TCF12: variants seen among roughly 807,000 people sequenced by gnomAD.
TCF12 encodes the protein DNA-binding protein HTF4.
Under a neutral mutation model 86.0 loss-of-function variants are expected in TCF12, and 45 were observed. The ratio of observed to expected loss-of-function variants is 0.52; its 90% CI spans 0.41 to 0.67. TCF12 has a LOEUF of 0.67. Ranked by LOEUF, TCF12 falls within the 30% of genes least tolerant of loss-of-function variation. The pLI, the probability that TCF12 is intolerant of heterozygous loss-of-function variation, is 0.00. For missense variants in TCF12, 881 were observed against 859.9 expected (o/e 1.02, Z -0.31); for synonymous variants, 330 against 299.6 (o/e 1.10, Z -1.05).
intron 5 of TCF12, among the ~76,000 whole-genome samples, chr15:57,164,861 A>G (rs143643347): frequency 1.5e-3 from 221 of 152,138 alleles, no homozygotes; most frequent in Non-Finnish European, 2.6e-3. Context: ...TTGTATTTAT[A>G]GTAGAGATGA....
chr15:57,160,967 G>A (rs1377745359), intron 5 of TCF12, among the ~76,000 whole-genome samples: 4 of 152,104 alleles, frequency 2.6e-5, no homozygotes, highest in African/African-American at 9.7e-5. Context: ...TGGGATTACA[G>A]GCATGAGCCA....
At chr15:56,957,872 G>T (rs1047572565) in intron 3 of TCF12, among the ~76,000 whole-genome samples, 8 of 146,574 alleles carry the variant, frequency 5.5e-5, no homozygotes, top group African/African-American at 2.0e-4. Flanking sequence ...TTCTGGTCTT[G>T]CTTTTAAAGA....
intron 18 of TCF12, among the ~76,000 whole-genome samples, chr15:57,266,148 C>T (rs1428321851): frequency 6.6e-6 from 1 of 151,956 alleles, no homozygotes; most frequent in Non-Finnish European, 1.5e-5. Context: ...GTCTCGCTGT[C>T]ACCCAGGCTG....
At chr15:57,239,908 G>C (rs1384774640) in intron 12 of TCF12, among the ~76,000 whole-genome samples, 1 of 152,170 alleles carries the variant, frequency 6.6e-6, no homozygotes, top group African/African-American at 2.4e-5. Flanking sequence ...GAAAAGTCTA[G>C]CAACCAGTGT....
chr15:57,046,975 G>T (rs1196896570), intron 3 of TCF12, among the ~76,000 whole-genome samples: 6 of 152,168 alleles, frequency 3.9e-5, no homozygotes, highest in Non-Finnish European at 7.3e-5. Context: ...AAATTAAGAA[G>T]CCCTGTCTGG....
Position 57,219,720 on chromosome 15 carries a change from C to CT in TCF12, c.580-11414dup, listed in dbSNP as rs11395092. On this transcript the variant is annotated intron_variant, in intron 8 of 20. Coordinates refer to ENST00000333725, the MANE Select transcript of TCF12 (RefSeq NM_207037.2). The stretch of plus-strand genomic sequence containing the variant: ...ATGCAATGTATTAGATTGTAGATTT[C>CT]TTTTTTTTTTTTTTTTTTGCGGGGG... The CT allele has an allele frequency of 0.41, 119,947 of 294,424 alleles. 23,158 individuals are homozygous for CT. Among genetic ancestry groups the CT allele is most frequent in the Non-Finnish European group, 0.47 (80,348 of 169,676 alleles). The allele number at this position is 294,424 out of a possible 1,614,324, so 18.2% of individuals were successfully genotyped here.
At chr15:57,098,314 A>G (rs2151155963) in intron 5 of TCF12, among the ~76,000 whole-genome samples, 1 of 152,188 alleles carries the variant, frequency 6.6e-6, no homozygotes, top group East Asian at 1.9e-4. Context: ...GTGTTCAACC[A>G]TTTGTTTCAT....
At position 57,156,171 on chromosome 15, in the gene TCF12, T is replaced by G. The variant is rs534427583; in HGVS notation, c.326-10231T>G. The stretch of plus-strand genomic sequence containing the variant: ...CTGTACATCATCTTTATTACAAAAA[T>G]CCCTATATTTTTAGCAGCTTATCCT... On this transcript the variant is annotated intron_variant, in intron 5 of 20. Coordinates refer to ENST00000333725, the MANE Select transcript of TCF12 (RefSeq NM_207037.2). Among the ~76,000 whole-genome samples, 4 of 152,302 alleles carry G rather than the reference T, an allele frequency of 2.6e-5. 1 individual carries two copies. The South Asian group carries it at 8.3e-4, about 32-fold the overall frequency.
chr15:56,951,201 C>G (rs142758810), intron 3 of TCF12, among the ~76,000 whole-genome samples: 147 of 152,218 alleles, frequency 9.7e-4, no homozygotes, highest in African/African-American at 3.3e-3. Context: ...TATATACTTT[C>G]TAATGGTTTG....
intron 12 of TCF12, among the ~76,000 whole-genome samples, chr15:57,241,236 A>G (rs1459316475): frequency 6.6e-6 from 1 of 151,968 alleles, no homozygotes; most frequent in Non-Finnish European, 1.5e-5. Flanking sequence ...CTGGGATTAC[A>G]GTCGCCCACC....
intron 12 of TCF12, among the ~76,000 whole-genome samples, chr15:57,234,813 G>A (rs1278704423): frequency 6.6e-6 from 1 of 152,178 alleles, no homozygotes; most frequent in Non-Finnish European, 1.5e-5. Flanking sequence ...AGGGGCACTT[G>A]TGCTTTGCGC....
At chr15:57,020,382 C>T (rs1196495816) in intron 3 of TCF12, among the ~76,000 whole-genome samples, 1 of 152,026 alleles carries the variant, frequency 6.6e-6, no homozygotes, top group African/African-American at 2.4e-5. Flanking sequence ...AGTGGAGAAA[C>T]AGTATTTTGC....
chr15:57,115,074 A>G lies in TCF12; in HGVS notation c.325+23183A>G, dbSNP rs186624526. 4.9e-3 allele frequency among the ~76,000 whole-genome samples: 747 copies of G among 152,290 alleles called. 6 individuals carry two copies. The highest frequency in any genetic ancestry group is 8.1e-3 in the Non-Finnish European group (554 of 68,014). ...TTGGTTTAGGCTGACAGTACTTTGA[A>G]CTTTTAGATTTGTTCTCTTTCTGTA... On this transcript the variant is annotated intron_variant, in intron 5 of 20. Transcript: ENST00000333725.
At chr15:56,980,664 A>G (rs2062847023) in intron 3 of TCF12, among the ~76,000 whole-genome samples, 1 of 152,134 alleles carries the variant, frequency 6.6e-6, no homozygotes, top group East Asian at 1.9e-4. Flanking sequence ...CTCAACTCCC[A>G]TGTTTTACTC....
chr15:57,149,660 A>G (rs2053604663), intron 5 of TCF12, among the ~76,000 whole-genome samples: 1 of 152,184 alleles, frequency 6.6e-6, no homozygotes, highest in Non-Finnish European at 1.5e-5. Context: ...TATTATGGTA[A>G]AGTCTCGCTG....
At chr15:57,193,965 C>T (rs1482731137) in intron 7 of TCF12, among the ~76,000 whole-genome samples, 2 of 152,110 alleles carry the variant, frequency 1.3e-5, no homozygotes, top group African/African-American at 2.4e-5. Context: ...TGTTTCCTAC[C>T]TAATGAGTTA....
chr15:57,049,885 G>A lies in TCF12; in HGVS notation c.149-13865G>A, dbSNP rs556508987. ...AACATTACTATTTGTTTTCTTTTGCGCCATTAATTATTTTGTGCCTTTGTT... is the reference window on the plus strand; with the variant it reads ...AACATTACTATTTGTTTTCTTTTGCACCATTAATTATTTTGTGCCTTTGTT... On this transcript the variant is annotated intron_variant, in intron 3 of 20. Coordinates refer to ENST00000333725, the MANE Select transcript of TCF12 (RefSeq NM_207037.2). 1.4e-4 allele frequency among the ~76,000 whole-genome samples: 22 copies of A among 151,998 alleles called. No homozygotes were observed. In the East Asian group the frequency reaches 1.9e-3, roughly 13 times the overall value.
rs1296480454 is a variant in TCF12, at chr15:56,990,762, AAATTTCTTTATAACTCTTCAG to A, written c.148+69670_148+69690del. 1.5e-4 allele frequency among the ~76,000 whole-genome samples: 23 copies of A among 151,416 alleles called. 1 individual carries two copies. The highest frequency in any genetic ancestry group is 1.5e-3 in the Admixed American group (22 of 15,140). ...AGCTTTGACCAGAACACCTACGTTA[AAATTTCTTTATAACTCTTCAG>A]AATTTTTTTCTTTTTCTTTTTTTTT... On this transcript the variant is annotated intron_variant, in intron 3 of 20. Coordinates refer to ENST00000333725, the MANE Select transcript of TCF12 (RefSeq NM_207037.2).
intron 5 of TCF12, among the ~76,000 whole-genome samples, chr15:57,143,472 A>C (rs899986077): frequency 1.3e-5 from 2 of 152,212 alleles, no homozygotes; most frequent in Non-Finnish European, 2.9e-5. Flanking sequence ...AATTAAACCG[A>C]AACAGCAACA....
Sources: gnomAD v4.1 joint callset for allele counts (sites outside exome capture counted in the v4.1 genomes callset) on GRCh38, gnomAD v4.1.1 for gene constraint, MANE v1.5 for transcripts, NCBI Gene and HGNC (gene_info 2026-07-23, HGNC 2026-07-21) for gene names.